TAMALIN: variants seen among roughly 807,000 people sequenced by gnomAD.
The protein encoded by TAMALIN is trafficking regulator and scaffold protein tamalin.
In TAMALIN, 9 loss-of-function variants were observed where a neutral mutation model predicts 38.5. That is an observed-to-expected ratio of 0.23 (90% CI 0.14 to 0.41). The LOEUF (loss-of-function observed/expected upper bound fraction) is 0.41, where lower values mean the gene tolerates loss of function less well. Ranked by LOEUF, TAMALIN falls within the 10% of genes least tolerant of loss-of-function variation. TAMALIN has a pLI of 1.00. For synonymous variants in TAMALIN, 306 were observed against 256.5 expected, an observed-to-expected ratio of 1.19 and a Z score of -1.85; for missense variants, 548 against 554.1, an observed-to-expected ratio of 0.99 and a Z score of 0.11.
chr12:52,008,155 G>C, intron 1 of TAMALIN: 1 of 985,382 alleles, frequency 1.0e-6, no homozygotes, highest in African/African-American at 1.7e-5. Flanking sequence ...TTCCTCCCTG[G>C]CCGTTTGGGA....
chr12:52,007,609 C>T lies in TAMALIN; in HGVS notation c.246+344C>T. 3 of 985,196 alleles carry T rather than the reference C, an allele frequency of 3.0e-6. No homozygotes were observed. The highest frequency in any genetic ancestry group is 3.6e-6 in the Non-Finnish European group (3 of 829,738). The allele number at this position is 985,196 out of a possible 1,614,324, so 61.0% of individuals were successfully genotyped here. A position where few individuals can be genotyped will look rare whatever the true frequency, so the allele number is the denominator to read the frequency against. ...GCCAGGTGTCCTGGGTCCCCAGGAG[C>T]CCCTCGCCCGAGGGACAGAGACAGC... On this transcript the variant is annotated intron_variant, in intron 1 of 7. Coordinates refer to ENST00000293662, the MANE Select transcript of TAMALIN (RefSeq NM_181711.4). This position sits in a 1 kb window ranked among gnomAD's most constrained non-coding sequence, Gnocchi z 6.7.
intron 4 of TAMALIN, among the ~76,000 whole-genome samples, chr12:52,013,267 C>T (rs921046796): frequency 4.0e-5 from 6 of 149,720 alleles, no homozygotes; most frequent in South Asian, 2.1e-4. Flanking sequence ...TTAGTAGAGA[C>T]GGGGTTTCAC....
rs778704153 is a variant in TAMALIN, at chr12:52,011,123, C to G, written c.436C>G (p.Leu146Val). ...AGTTCATGAGTCTAGCCCTGCCCAG[C>G]TGGCTGGGCTCACACCAGGTGGGGC... ...CRVHESSPAQ[L>V]AGLTPGDTIA... Residue 146 changes from leucine (L) to valine (V), a missense_variant, in exon 4 of 8, where the codon CTG becomes GTG. Physicochemically the swap from Leu to Val is conservative, Grantham distance 32 (BLOSUM62 1). Transcript: ENST00000293662. This position sits in a 1 kb window ranked among gnomAD's most constrained non-coding sequence, Gnocchi z 5.3. The G allele has an allele frequency of 7.4e-6, 12 of 1,612,092 alleles. No individual in the cohort carries two copies. Among genetic ancestry groups the G allele is most frequent in the Non-Finnish European group, 1.0e-5 (12 of 1,179,904 alleles).
At chr12:52,010,547 G>A (rs1434388091) in intron 2 of TAMALIN, 12 of 1,136,024 alleles carry the variant, frequency 1.1e-5, no homozygotes, top group Non-Finnish European at 1.2e-5. Flanking sequence ...GCTGAATTTC[G>A]GGCCTTAGCT....
In TAMALIN at chr12:52,015,392, C is replaced by T. The variant is rs1360720077; in HGVS notation, c.*193C>T. On this transcript the variant is annotated 3_prime_UTR_variant, in exon 8 of 8. Transcript: ENST00000293662. ...GGGGGCCCAGCCCCTTCTCTTCTCC[C>T]CCGCCAAACCACAGTGGGAGCTGGG... 20 of 636,150 alleles carry T rather than the reference C, an allele frequency of 3.1e-5. No homozygotes were observed. Among genetic ancestry groups the T allele is most frequent in the East Asian group, 7.1e-5 (2 of 28,214 alleles). The allele number at this position is 636,150 out of a possible 1,614,324, so 39.4% of individuals were successfully genotyped here.
At chr12:52,008,744 T>C in intron 1 of TAMALIN, 1 of 985,404 alleles carries the variant, frequency 1.0e-6, no homozygotes, top group Non-Finnish European at 1.2e-6. Context: ...CAGAAGGTCC[T>C]CGGAGCACCT....
chr12:52,014,068 G>A, intron 6 of TAMALIN, 67 bp from the exon 7 acceptor site: 8 of 1,566,072 alleles, frequency 5.1e-6, no homozygotes, highest in Middle Eastern at 1.7e-4. Flanking sequence ...CTGATCCCTC[G>A]TCTGTACCCA....
Position 52,011,870 on chromosome 12 carries a change from C to T in TAMALIN, c.454+729C>T, listed in dbSNP as rs1284029544. Among the ~76,000 whole-genome samples, 1 of 152,082 alleles carries T rather than the reference C, an allele frequency of 6.6e-6. No individual in the cohort carries two copies. The highest frequency in any genetic ancestry group is 1.5e-5 in the Non-Finnish European group (1 of 68,020). On this transcript the variant is annotated intron_variant, in intron 4 of 7. Coordinates refer to ENST00000293662, the MANE Select transcript of TAMALIN (RefSeq NM_181711.4). The surrounding 1 kb of genome is among the most constrained non-coding windows in gnomAD (Gnocchi z 5.3). ...CAATCCCCCCTCCACCATCTTTGCC[C>T]CTAAGCCCCTACCTCCTTCCCACTT...
Position 52,007,067 on chromosome 12 carries a change from G to A in TAMALIN, c.48G>A (p.Ala16=). 6.8e-7 allele frequency: 1 copy of A among 1,460,852 alleles called. No individual in the cohort carries two copies. Among genetic ancestry groups the A allele is most frequent in the Non-Finnish European group, 9.0e-7 (1 of 1,113,534 alleles). 90.5% of individuals were successfully genotyped at this position (1,460,852 alleles called of 1,614,324 possible). ...LRKLQQKEEA[A]ATPDPAARTP... The stretch of plus-strand genomic sequence containing the variant: ...AGCTGCAGCAGAAGGAGGAGGCGGC[G>A]GCCACCCCGGACCCCGCCGCCCGGA... The change falls in exon 1 of 8, where the codon GCG becomes GCA. Residue 16 remains alanine, a synonymous_variant. Transcript: ENST00000293662. This position sits in a 1 kb window ranked among gnomAD's most constrained non-coding sequence, Gnocchi z 6.7.
Position 52,015,293 on chromosome 12 carries a change from A to G in TAMALIN, c.*94A>G, listed in dbSNP as rs564637508. 203 of 1,391,312 alleles carry G rather than the reference A, an allele frequency of 1.5e-4. No homozygotes were observed. The African/African-American group carries it at 2.8e-3, about 19-fold the overall frequency. The allele number at this position is 1,391,312 out of a possible 1,614,324, so 86.2% of individuals were successfully genotyped here. A position where few individuals can be genotyped will look rare whatever the true frequency, so the allele number is the denominator to read the frequency against. On this transcript the variant is annotated 3_prime_UTR_variant, in exon 8 of 8. Transcript: ENST00000293662. ...CGAGCCAAGAGGACCCCAGGAGCCC[A>G]GAGCAGCGGGAGAGGGTCCTTCCTA... is the stretch of plus-strand genomic sequence containing the variant.
At position 52,011,262 on chromosome 12, in the gene TAMALIN, CAGAA is replaced by C. The variant is rs1487018927; in HGVS notation, c.454+126_454+129del. 37 of 1,522,486 alleles carry C rather than the reference CAGAA, an allele frequency of 2.4e-5. No homozygotes were observed. Among genetic ancestry groups the C allele is most frequent in the Non-Finnish European group, 3.3e-5 (37 of 1,127,772 alleles). 94.3% of individuals were successfully genotyped at this position (1,522,486 alleles called of 1,614,324 possible). A position where few individuals can be genotyped will look rare whatever the true frequency, so the allele number is the denominator to read the frequency against. On this transcript the variant is annotated intron_variant, in intron 4 of 7. Transcript: ENST00000293662. The surrounding 1 kb of genome is among the most constrained non-coding windows in gnomAD (Gnocchi z 5.3). ...CTTCCTTTTCCTTCTTTGAGAAGGC[CAGAA>C]AGAAGAATGGATAGAATCTGGGCTT...
At chr12:52,013,038 C>T (rs1214396541) in intron 4 of TAMALIN, among the ~76,000 whole-genome samples, 1 of 151,510 alleles carries the variant, frequency 6.6e-6, no homozygotes, top group African/African-American at 2.4e-5. Context: ...GAGGGTAGCC[C>T]AGGGTCCTGG....
intron 7 of TAMALIN, 147 bp downstream of exon 7, chr12:52,014,348 T>TTTGGGTAC: frequency 1.4e-6 from 1 of 718,812 alleles, no homozygotes; most frequent in Non-Finnish European, 2.5e-6. Flanking sequence ...CTACTACTAC[T>TTTGGGTAC]TTGGGTACTG....
At position 52,015,430 on chromosome 12, in the gene TAMALIN, C is replaced by T; in HGVS notation, c.*231C>T. The stretch of plus-strand genomic sequence containing the variant: ...AGTGGGAGCTGGGGCAGGGGGAGAG[C>T]CAGGCAATCGGGGGCCAAAGATGGG... On this transcript the variant is annotated 3_prime_UTR_variant, in exon 8 of 8. Coordinates refer to ENST00000293662, the MANE Select transcript of TAMALIN (RefSeq NM_181711.4). 1 of 514,546 alleles carries T rather than the reference C, an allele frequency of 1.9e-6. No homozygotes were observed. The highest frequency in any genetic ancestry group is 2.3e-5 in the South Asian group (1 of 43,184). 31.9% of individuals were successfully genotyped at this position (514,546 alleles called of 1,614,324 possible). A position where few individuals can be genotyped will look rare whatever the true frequency, so the allele number is the denominator to read the frequency against.
chr12:52,012,549 C>T (rs538585908), intron 4 of TAMALIN, among the ~76,000 whole-genome samples: 74 of 152,304 alleles, frequency 4.9e-4, no homozygotes, highest in Middle Eastern at 3.4e-3. Flanking sequence ...CCACGGCGCT[C>T]GGCCCCAAAT....
In TAMALIN at chr12:52,015,255, AAG is replaced by A. The variant is rs1306340374; in HGVS notation, c.*59_*60del. On this transcript the variant is annotated 3_prime_UTR_variant, in exon 8 of 8. Coordinates refer to ENST00000293662, the MANE Select transcript of TAMALIN (RefSeq NM_181711.4). ...ATTTATTCGCAACAGCCAGCGCTAA[AAG>A]AGGGGGAGGCCGAGCCAAGAGGACC... 4.6e-6 allele frequency: 7 copies of A among 1,506,668 alleles called. No individual in the cohort carries two copies. The East Asian group carries it at 1.6e-4, about 34-fold the overall frequency. The allele number at this position is 1,506,668 out of a possible 1,614,324, so 93.3% of individuals were successfully genotyped here.
chr12:52,010,405 C>T, intron 2 of TAMALIN: 1 of 666,030 alleles, frequency 1.5e-6, no homozygotes, highest in South Asian at 6.1e-5. Flanking sequence ...CCCCCAGCCC[C>T]CACATCTGGT....
intron 4 of TAMALIN, among the ~76,000 whole-genome samples, chr12:52,012,228 C>G (rs533879605): frequency 1.7e-4 from 26 of 152,350 alleles, no homozygotes; most frequent in South Asian, 4.1e-4. Flanking sequence ...GCATGGATCC[C>G]TTCACTGGGC....
intron 7 of TAMALIN, 29 bp from the exon 8 acceptor site, chr12:52,014,665 C>G (rs543261744): frequency 6.9e-7 from 1 of 1,445,678 alleles, no homozygotes; most frequent in Non-Finnish European, 9.0e-7. Context: ...AGGCCTGACC[C>G]GCCCCCTACC....
Sources: allele counts gnomAD v4.1 joint callset (sites outside exome capture counted in the v4.1 genomes callset), GRCh38; gene constraint gnomAD v4.1.1; non-coding constraint Gnocchi (gnomAD v3.1); transcripts MANE v1.5; gene names NCBI Gene and HGNC (gene_info 2026-07-23, HGNC 2026-07-21).